The following UAP1 variants were observed in gnomAD, a reference collection of about 807,000 sequenced individuals.
UAP1 encodes the protein UDP-N-acetylhexosamine pyrophosphorylase.
UAP1 carries 25 observed loss-of-function variants against 58.5 expected under a neutral mutation model. That is an observed-to-expected ratio of 0.43 (90% confidence interval 0.31 to 0.60). The LOEUF is 0.60. UAP1 is among the 20% of genes least tolerant of loss of function. The pLI, the probability that UAP1 is intolerant of heterozygous loss-of-function variation, is 0.11. For missense variants in UAP1, 575 were observed against 630.0 expected, an observed-to-expected ratio of 0.91 and a Z score of 0.93; for synonymous variants, 208 against 213.0, an observed-to-expected ratio of 0.98 and a Z score of 0.21.
intron 2 of UAP1, among the ~76,000 whole-genome samples, chr1:162,572,299 A>C (rs959959517): frequency 5.3e-5 from 8 of 152,244 alleles, no homozygotes; most frequent in Non-Finnish European, 1.2e-4. Flanking sequence ...ATGTGAAACA[A>C]CTGGAGAGTA....
chr1:162,573,181 TA>T (rs1245031125), intron 2 of UAP1, among the ~76,000 whole-genome samples: 1 of 152,188 alleles, frequency 6.6e-6, no homozygotes, highest in Non-Finnish European at 1.5e-5. Flanking sequence ...GAATGGCTGT[TA>T]AAAATTTCAG....
At chr1:162,579,289 C>T (rs1654399592) in intron 3 of UAP1, 139 bp from the exon 4 acceptor site, 1 of 545,398 alleles carries the variant, frequency 1.8e-6, no homozygotes, top group South Asian at 5.9e-5. Context: ...ATGTGTCTTA[C>T]CCAGGAAAAA....
In UAP1 at chr1:162,574,778, G is replaced by C. The variant is rs149438057; in HGVS notation, c.281-1999G>C. Among the ~76,000 whole-genome samples, 329 of 152,160 alleles carry C rather than the reference G, an allele frequency of 2.2e-3. 4 individuals carry two copies. The highest frequency in any genetic ancestry group is 0.01 in the Middle Eastern group (3 of 294). ...TTTTGAATAATAAGATGGGTCTTAG[G>C]AATGGATTATGGCAAGATTTTTTTT... On this transcript the variant is annotated intron_variant, in intron 2 of 10. Transcript: ENST00000271469.
intron 3 of UAP1, among the ~76,000 whole-genome samples, chr1:162,577,243 A>G (rs957055925): frequency 2.6e-5 from 4 of 151,766 alleles, no homozygotes; most frequent in Non-Finnish European, 5.9e-5. Flanking sequence ...AGCTCTCTGC[A>G]TCTAGAAACT....
At chr1:162,588,807 T>A (rs1435743251) in exon 7 of UAP1, 2 of 1,612,192 alleles carry the variant, frequency 1.2e-6, no homozygotes, top group Non-Finnish European at 1.7e-6. Context: ...TGGAAAAATT[T>A]GTCTTTGACA....
intron 5 of UAP1, among the ~76,000 whole-genome samples, chr1:162,583,092 T>G (rs978698897): frequency 6.7e-6 from 1 of 148,156 alleles, no homozygotes; most frequent in Non-Finnish European, 1.5e-5. Context: ...TTCTCCTGCC[T>G]CACCCTCCCC....
At chr1:162,577,435 C>CTTTTTT (rs67627704) in intron 3 of UAP1, among the ~76,000 whole-genome samples, 12 of 95,238 alleles carry the variant, frequency 1.3e-4, no homozygotes, top group African/African-American at 3.3e-4. Context: ...AGTTCCTTCC[C>CTTTTTT]TTTTTTTTTT....
At chr1:162,576,805 A>G in exon 3 of UAP1, 1 of 1,614,192 alleles carries the variant, frequency 6.2e-7, no homozygotes, top group Non-Finnish European at 8.5e-7. Context: ...AGAATAAAGT[A>G]GCAGTTCTTC....
chr1:162,588,381 G>A (rs1300213064), intron 6 of UAP1, among the ~76,000 whole-genome samples: 1 of 152,092 alleles, frequency 6.6e-6, no homozygotes, highest in Non-Finnish European at 1.5e-5. Flanking sequence ...CTGTGTTACT[G>A]TTTCATCCAT....
At chr1:162,584,952 G>A (rs534408434) in intron 5 of UAP1, among the ~76,000 whole-genome samples, 1 of 152,292 alleles carries the variant, frequency 6.6e-6, no homozygotes, top group South Asian at 2.1e-4. Context: ...TAACTCTGAG[G>A]TTAAAGTGTT....
chr1:162,589,215 A>ATATG, intron 7 of UAP1, among the ~76,000 whole-genome samples: 1 of 100,670 alleles, frequency 9.9e-6, no homozygotes, highest in East Asian at 2.7e-4. Flanking sequence ...TTAAATATAT[A>ATATG]TAATATTTAT....
intron 1 of UAP1, among the ~76,000 whole-genome samples, chr1:162,564,797 A>AT (rs1653385925): frequency 6.6e-6 from 1 of 152,042 alleles, no homozygotes; most frequent in Non-Finnish European, 1.5e-5. Context: ...ATTTTATATC[A>AT]TTTGTCATAC....
chr1:162,588,890 A>G, intron 7 of UAP1, 57 bp downstream of exon 7: 3 of 1,532,238 alleles, frequency 2.0e-6, no homozygotes, highest in Non-Finnish European at 2.6e-6. Context: ...GCTGCTTTTC[A>G]CTCTCTTAGG....
intron 9 of UAP1, among the ~76,000 whole-genome samples, chr1:162,594,317 T>C (rs757393472): frequency 1.2e-4 from 19 of 152,174 alleles, no homozygotes; most frequent in Non-Finnish European, 2.8e-4. Flanking sequence ...TTCACGATAG[T>C]GTTCACATTC....
Position 162,572,944 on chromosome 1 carries a change from T to C in UAP1, c.281-3833T>C, listed in dbSNP as rs368021349. On this transcript the variant is annotated intron_variant, in intron 2 of 10. Coordinates refer to ENST00000271469, the Ensembl canonical transcript of UAP1. The stretch of plus-strand genomic sequence containing the variant: ...CTGAAACAAATCTGACCCATGGGTT[T>C]AGGTAAGAGATTGTGGACTCATATT... Among the ~76,000 whole-genome samples the C allele has an allele frequency of 7.2e-5, 11 of 152,324 alleles. No individual in the cohort carries two copies. The South Asian group carries it at 2.3e-3, about 32-fold the overall frequency.
Position 162,590,635 on chromosome 1 carries a change from A to G in UAP1, c.1358+124A>G, listed in dbSNP as rs1655245906. 4.5e-6 allele frequency: 3 copies of G among 666,990 alleles called. No homozygotes were observed. In the South Asian group the frequency reaches 8.9e-5, roughly 20 times the overall value. The allele number at this position is 666,990 out of a possible 1,614,324, so 41.3% of individuals were successfully genotyped here. A position where few individuals can be genotyped will look rare whatever the true frequency, so the allele number is the denominator to read the frequency against. ...TAAAAAGCAAAGTTTTGATGTGTGA[A>G]CAGTTCCTGATGTGAAATAACAGTA... On this transcript the variant is annotated intron_variant, in intron 8 of 10. Coordinates refer to ENST00000271469, the Ensembl canonical transcript of UAP1.
At chr1:162,566,377 A>G in intron 2 of UAP1, 29 bp downstream of exon 2, 1 of 1,583,964 alleles carries the variant, frequency 6.3e-7, no homozygotes, top group South Asian at 1.2e-5. Flanking sequence ...TTTCTTACTG[A>G]AGTTTATTTG....
intron 10 of UAP1, 84 bp from the exon 11 acceptor site, chr1:162,599,187 C>CTTTAAA: frequency 1.2e-6 from 1 of 801,568 alleles, no homozygotes; most frequent in Non-Finnish European, 2.0e-6. Context: ...GGCATTTGTG[C>CTTTAAA]TTTAAATCAT....
At chr1:162,599,661 C>A (rs1474811354) in exon 11 of UAP1, 3 of 228,616 alleles carry the variant, frequency 1.3e-5, no homozygotes, top group Non-Finnish European at 2.5e-5. Flanking sequence ...GGATGTTCAA[C>A]ATCAGTTTAC....
Sources: gnomAD v4.1 joint callset for allele counts (sites outside exome capture counted in the v4.1 genomes callset) on GRCh38, gnomAD v4.1.1 for gene constraint, MANE v1.5 for transcripts, NCBI Gene and HGNC (gene_info 2026-07-23, HGNC 2026-07-21) for gene names.